The following TAFA5 variants were observed in gnomAD, a reference collection of about 807,000 sequenced individuals.
The protein encoded by TAFA5 is chemokine-like protein TAFA-5.
TAFA5 carries 6 observed loss-of-function variants against 15.3 expected under a neutral mutation model. The observed-to-expected ratio is 0.39, with a 90% CI of 0.21 to 0.77. The LOEUF is 0.77. TAFA5 is among the 30% of genes least tolerant of loss of function. The pLI, the probability that TAFA5 is intolerant of heterozygous loss-of-function variation, is 0.41. For synonymous variants in TAFA5, 103 were observed against 80.7 expected (o/e 1.28, Z -1.48); for missense variants, 161 against 193.1 (o/e 0.83, Z 0.98).
intron 3 of TAFA5, among the ~76,000 whole-genome samples, chr22:48,735,826 C>A (rs558980296): frequency 1.3e-5 from 2 of 150,656 alleles, no homozygotes; most frequent in Admixed American, 6.6e-5. Flanking sequence ...AGTCCAGAGT[C>A]CATCCCCCCA....
intron 1 of TAFA5, among the ~76,000 whole-genome samples, chr22:48,525,645 A>C (rs936359684): frequency 6.6e-6 from 1 of 152,118 alleles, no homozygotes; most frequent in Admixed American, 6.5e-5. Context: ...CGCTGGACTG[A>C]ACCCATGGTT....
intron 1 of TAFA5, among the ~76,000 whole-genome samples, chr22:48,640,351 C>T (rs942015655): frequency 1.3e-5 from 2 of 152,198 alleles, no homozygotes; most frequent in African/African-American, 2.4e-5. Flanking sequence ...CCCTGCATGC[C>T]GATGAGGGAC....
chr22:48,571,030 G>C (rs946236061), intron 1 of TAFA5, among the ~76,000 whole-genome samples: 1 of 152,084 alleles, frequency 6.6e-6, no homozygotes, highest in African/African-American at 2.4e-5. Flanking sequence ...TTCTCTGGTG[G>C]AGTGTAACCT....
chr22:48,630,499 G>A (rs534516773), intron 1 of TAFA5, among the ~76,000 whole-genome samples: 2 of 152,196 alleles, frequency 1.3e-5, no homozygotes, highest in South Asian at 2.1e-4. Context: ...CCAGGTGTGC[G>A]CTGTTGTGTC....
chr22:48,698,795 G>A (rs142259250), intron 2 of TAFA5, among the ~76,000 whole-genome samples: 21,649 of 109,424 alleles, frequency 0.2, 2,090 homozygotes, highest in Non-Finnish European at 0.25. Flanking sequence ...TACAGGCCCC[G>A]TGCGTGGCCG....
chr22:48,514,167 A>G (rs1921321522), intron 1 of TAFA5, among the ~76,000 whole-genome samples: 1 of 152,134 alleles, frequency 6.6e-6, no homozygotes, highest in African/African-American at 2.4e-5. Context: ...CGCTGCATAT[A>G]TGAGTGGGCT....
chr22:48,524,629 G>A (rs1921717459), intron 1 of TAFA5, among the ~76,000 whole-genome samples: 1 of 152,196 alleles, frequency 6.6e-6, no homozygotes, highest in Non-Finnish European at 1.5e-5. Flanking sequence ...CCCCACATTG[G>A]GCATGGTTAG....
chr22:48,618,128 A>T (rs1464883575), intron 1 of TAFA5, among the ~76,000 whole-genome samples: 1 of 151,994 alleles, frequency 6.6e-6, no homozygotes, highest in Non-Finnish European at 1.5e-5. Context: ...TTGTTTCTGC[A>T]CTCTTTCAGG....
intron 2 of TAFA5, chr22:48,693,306 G>A (rs558612722): frequency 1.2e-6 from 2 of 1,608,366 alleles, no homozygotes; most frequent in Non-Finnish European, 1.7e-6. Flanking sequence ...TTTGCCCTAA[G>A]AGAGTAATTG....
chr22:48,594,820 G>A (rs899563508), intron 1 of TAFA5, among the ~76,000 whole-genome samples: 10 of 152,206 alleles, frequency 6.6e-5, no homozygotes, highest in East Asian at 3.9e-4. Context: ...AGGATGCTCC[G>A]CTGTCTCTCA....
chr22:48,696,816 T>G (rs1928727208), intron 2 of TAFA5, among the ~76,000 whole-genome samples: 1 of 152,250 alleles, frequency 6.6e-6, no homozygotes, highest in African/African-American at 2.4e-5. Flanking sequence ...AGGTTGTGTG[T>G]GCAAGGCCTG....
intron 3 of TAFA5, among the ~76,000 whole-genome samples, chr22:48,722,930 A>G (rs934381491): frequency 6.6e-6 from 1 of 152,192 alleles, no homozygotes; most frequent in Non-Finnish European, 1.5e-5. Flanking sequence ...GCATTAATCC[A>G]GAAAGCCACG....
intron 1 of TAFA5, among the ~76,000 whole-genome samples, chr22:48,592,965 G>T (rs1012955001): frequency 1.3e-5 from 2 of 152,134 alleles, no homozygotes; most frequent in Non-Finnish European, 2.9e-5. Context: ...TGTCTGTGGG[G>T]TTTGGTCCTG....
Position 48,514,901 on chromosome 22 carries a change from C to T in TAFA5, c.112+25197C>T, listed in dbSNP as rs576956694. Among the ~76,000 whole-genome samples, 17 of 152,360 alleles carry T rather than the reference C, an allele frequency of 1.1e-4. No individual in the cohort carries two copies. The South Asian group carries it at 1.9e-3, about 17-fold the overall frequency. On this transcript the variant is annotated intron_variant, in intron 1 of 3. Transcript: ENST00000402357. The stretch of plus-strand genomic sequence containing the variant: ...CCACAAATCATCTCTGATCTCCAAA[C>T]CATACAGGGTAAGCACTGCCATCTC...
At chr22:48,600,820 G>A (rs1024921671) in intron 1 of TAFA5, among the ~76,000 whole-genome samples, 3 of 152,186 alleles carry the variant, frequency 2.0e-5, no homozygotes, top group Non-Finnish European at 2.9e-5. Context: ...TAGCTGCTGC[G>A]TACCCACTGG....
intron 1 of TAFA5, among the ~76,000 whole-genome samples, chr22:48,556,491 CT>C (rs1199829065): frequency 6.6e-6 from 1 of 152,278 alleles, no homozygotes; most frequent in Non-Finnish European, 1.5e-5. Flanking sequence ...AAATCAGCCT[CT>C]GCCATCTGTA....
At chr22:48,580,275 T>C (rs73173419) in intron 1 of TAFA5, among the ~76,000 whole-genome samples, 429 of 152,294 alleles carry the variant, frequency 2.8e-3, no homozygotes, top group African/African-American at 4.8e-3. Context: ...GTGAAGGCAA[T>C]TGATGGTGTA....
intron 1 of TAFA5, among the ~76,000 whole-genome samples, chr22:48,506,939 G>T (rs376715920): frequency 2.6e-5 from 4 of 152,226 alleles, no homozygotes; most frequent in Admixed American, 2.0e-4. Context: ...TTTGGAGCCT[G>T]CAGAAGGCAT....
intron 1 of TAFA5, among the ~76,000 whole-genome samples, chr22:48,505,811 T>C (rs763002): frequency 0.25 from 37,766 of 152,160 alleles, 7,745 homozygotes; most frequent in African/African-American, 0.55. Context: ...GTTACACTCA[T>C]GGTTTTGGCT....
Sources: gnomAD v4.1 joint callset for allele counts (sites outside exome capture counted in the v4.1 genomes callset) on GRCh38, gnomAD v4.1.1 for gene constraint, MANE v1.5 for transcripts, NCBI Gene and HGNC (gene_info 2026-07-23, HGNC 2026-07-21) for gene names.